Variants in ERICH6B observed in about 807,000 individuals in gnomAD.
ERICH6B encodes glutamate rich 6B.
ERICH6B carries 69 observed loss-of-function variants against 80.0 expected under a neutral mutation model. The ratio of observed to expected loss-of-function variants is 0.86; its 90% confidence interval spans 0.71 to 1.05. ERICH6B has a LOEUF of 1.05. Among genes scored for constraint, ERICH6B ranks in the 50% least tolerant of loss-of-function variants. The pLI, the probability that ERICH6B is intolerant of heterozygous loss-of-function variation, is 0.00. For missense variants in ERICH6B, 754 were observed against 796.1 expected (o/e 0.95, Z 0.64); for synonymous variants, 283 against 291.9 (o/e 0.97, Z 0.31).
At position 45,541,454 on chromosome 13, in the gene ERICH6B, G is replaced by A; in HGVS notation, c.*8C>T. 6.4e-7 allele frequency: 1 copy of A among 1,551,252 alleles called. No homozygotes were observed. The highest frequency in any genetic ancestry group is 8.7e-7 in the Non-Finnish European group (1 of 1,146,444). ...AAGGCATTTGGTGGATGCCAGATAA[G>A]CCCCGCCTTAAAACCAGAGTTTAGA... is the stretch of plus-strand genomic sequence containing the variant. On this transcript the variant is annotated 3_prime_UTR_variant, in exon 15 of 15. Coordinates refer to ENST00000298738, the MANE Select transcript of ERICH6B (RefSeq NM_182542.3).
At chr13:45,580,071 T>C in intron 6 of ERICH6B, 97 bp from the exon 7 acceptor site, 3 of 1,043,970 alleles carry the variant, frequency 2.9e-6, no homozygotes, top group South Asian at 1.5e-5. Context: ...AATCATCTCC[T>C]AGATATCTGG....
At chr13:45,608,271 TC>T (rs1004070821) in intron 1 of ERICH6B, among the ~76,000 whole-genome samples, 2 of 152,178 alleles carry the variant, frequency 1.3e-5, no homozygotes, top group Admixed American at 6.5e-5. Context: ...GGCCTCAGCC[TC>T]TGTTTGCTTG....
intron 3 of ERICH6B, among the ~76,000 whole-genome samples, chr13:45,593,191 T>C (rs561829798): frequency 6.6e-6 from 1 of 151,886 alleles, no homozygotes; most frequent in East Asian, 1.9e-4. Flanking sequence ...GGAAGAGAGG[T>C]GGGTGGGGGT....
At chr13:45,610,183 A>C (rs537483267) in intron 1 of ERICH6B, among the ~76,000 whole-genome samples, 1 of 152,266 alleles carries the variant, frequency 6.6e-6, no homozygotes, top group East Asian at 1.9e-4. Context: ...TGTAGAACCT[A>C]AGATTGGCCT....
At chr13:45,598,785 C>T (rs1465542687) in intron 2 of ERICH6B, among the ~76,000 whole-genome samples, 1 of 152,158 alleles carries the variant, frequency 6.6e-6, no homozygotes, top group Non-Finnish European at 1.5e-5. Flanking sequence ...AACAGGTGGC[C>T]CCCAGCTGCC....
At chr13:45,603,200 T>C (rs1949837136) in intron 2 of ERICH6B, among the ~76,000 whole-genome samples, 2 of 152,236 alleles carry the variant, frequency 1.3e-5, no homozygotes, top group African/African-American at 4.8e-5. Context: ...AGCTGGGCCC[T>C]CAGTGGCTTG....
chr13:45,586,157 T>C (rs1190088909), intron 5 of ERICH6B, among the ~76,000 whole-genome samples: 1 of 152,156 alleles, frequency 6.6e-6, no homozygotes, highest in Admixed American at 6.5e-5. Context: ...AGTGAACCGA[T>C]GTAGCCTGTG....
chr13:45,601,509 C>T (rs1949827539), intron 2 of ERICH6B, among the ~76,000 whole-genome samples: 1 of 152,214 alleles, frequency 6.6e-6, no homozygotes, highest in South Asian at 2.1e-4. Context: ...GCACTGGCCA[C>T]TCCATCAAAG....
chr13:45,606,541 ATATATATTTTTTT>A (rs1566307900), intron 2 of ERICH6B, among the ~76,000 whole-genome samples: 28 of 11,510 alleles, frequency 2.4e-3, no homozygotes, highest in African/African-American at 5.7e-3. Context: ...ATATATATAT[ATATATATTTTTTT>A]TTTTTTTTTT....
chr13:45,548,066 C>T (rs978748466), intron 13 of ERICH6B, among the ~76,000 whole-genome samples: 6 of 152,234 alleles, frequency 3.9e-5, no homozygotes, highest in African/African-American at 1.4e-4. Flanking sequence ...GGTCTCAACA[C>T]TGTGTGGGAC....
At chr13:45,576,690 A>G (rs902037075) in intron 7 of ERICH6B, among the ~76,000 whole-genome samples, 1 of 151,938 alleles carries the variant, frequency 6.6e-6, no homozygotes, top group Non-Finnish European at 1.5e-5. Context: ...ACTTCCCATC[A>G]TTTGCGATTG....
chr13:45,610,410 C>T (rs576474702), intron 1 of ERICH6B, among the ~76,000 whole-genome samples: 77 of 152,262 alleles, frequency 5.1e-4, no homozygotes, highest in Non-Finnish European at 9.6e-4. Flanking sequence ...TTTGAAAATC[C>T]CTAACTTCCA....
At chr13:45,609,670 G>T (rs866357978) in intron 1 of ERICH6B, among the ~76,000 whole-genome samples, 44 of 152,322 alleles carry the variant, frequency 2.9e-4, no homozygotes, top group Non-Finnish European at 5.4e-4. Context: ...TCATATGGTT[G>T]TGTGTTTGGA....
rs187123135 is a variant in ERICH6B, at chr13:45,583,076, A to C, written c.857-2411T>G. On this transcript the variant is annotated intron_variant, in intron 5 of 14. Coordinates refer to ENST00000298738, the MANE Select transcript of ERICH6B (RefSeq NM_182542.3). Reference sequence around the variant, plus strand: ...TATTTTATCCAGATGAGGAGACAGCAGTTACCATTCTCTTTTGATTTCTTT... The same window carrying C: ...TATTTTATCCAGATGAGGAGACAGCCGTTACCATTCTCTTTTGATTTCTTT... 7.2e-5 allele frequency among the ~76,000 whole-genome samples: 11 copies of C among 152,372 alleles called. No individual in the cohort carries two copies. The East Asian group carries it at 1.7e-3, about 24-fold the overall frequency.
At chr13:45,550,459 T>G (rs1593773745) in intron 11 of ERICH6B, 143 bp from the exon 12 acceptor site, 2 of 631,270 alleles carry the variant, frequency 3.2e-6, no homozygotes, top group East Asian at 5.6e-5. Context: ...GCTGCGGGGC[T>G]TCAGTTTACT....
At chr13:45,605,516 A>C (rs911791993) in intron 2 of ERICH6B, among the ~76,000 whole-genome samples, 2 of 152,242 alleles carry the variant, frequency 1.3e-5, no homozygotes, top group African/African-American at 4.8e-5. Flanking sequence ...GACAGCACTA[A>C]GGTTCAGAGA....
Position 45,579,978 on chromosome 13 carries a change from A to G in ERICH6B, c.920-4T>C. On this transcript the variant is annotated splice_polypyrimidine_tract_variant and splice_region_variant and intron_variant, in intron 6 of 14. Transcript: ENST00000298738. The stretch of plus-strand genomic sequence containing the variant: ...TGTACTTTAGTGTTAACATGCTCTA[A>G]AAAAGAATAAGAAAAATTATTAACA... 1 of 1,545,914 alleles carries G rather than the reference A, an allele frequency of 6.5e-7. No individual in the cohort carries two copies.
At chr13:45,554,639 T>A (rs1211375733) in intron 11 of ERICH6B, among the ~76,000 whole-genome samples, 1 of 152,216 alleles carries the variant, frequency 6.6e-6, no homozygotes, top group Non-Finnish European at 1.5e-5. Flanking sequence ...GTTCTCTCAC[T>A]GGGAAATATA....
chr13:45,597,167 G>C, intron 2 of ERICH6B, 104 bp from the exon 3 acceptor site: 1 of 801,848 alleles, frequency 1.2e-6, no homozygotes, highest in Non-Finnish European at 1.9e-6. Flanking sequence ...TCTTTGGAGG[G>C]CTCTTTAAGT....
Sources: allele counts gnomAD v4.1 joint callset (sites outside exome capture counted in the v4.1 genomes callset), GRCh38; gene constraint gnomAD v4.1.1; transcripts MANE v1.5; gene names NCBI Gene and HGNC (gene_info 2026-07-23, HGNC 2026-07-21).